DEAF1: variants seen among roughly 807,000 people sequenced by gnomAD.
The protein encoded by DEAF1 is deformed epidermal autoregulatory factor 1 homolog.
DEAF1 carries 53 observed loss-of-function variants against 58.9 expected under a neutral mutation model. The ratio of observed to expected loss-of-function variants is 0.90; its 90% CI spans 0.72 to 1.13. The LOEUF (loss-of-function observed/expected upper bound fraction) is 1.13. DEAF1 is among the 50% of genes most tolerant of loss of function. The probability of loss-of-function intolerance (pLI) is 0.00; values close to 1 mark genes in which losing one functional copy is unlikely to be tolerated. For synonymous variants in DEAF1, 385 were observed against 340.4 expected (o/e 1.13, Z -1.44); for missense variants, 685 against 791.4 (o/e 0.87, Z 1.61).
chr11:679,960 AC>A (rs1860273846), intron 7 of DEAF1, 144 bp from the exon 8 acceptor site: 1 of 1,168,094 alleles, frequency 8.6e-7, no homozygotes. Flanking sequence ...TGTGAAGGAC[AC>A]GGGGGAAATC....
At chr11:692,853 CAAA>C (rs397953739) in intron 1 of DEAF1, among the ~76,000 whole-genome samples, 1 of 140,850 alleles carries the variant, frequency 7.1e-6, no homozygotes, top group Non-Finnish European at 1.5e-5. Flanking sequence ...AACTCCGTCT[CAAA>C]AAAAAAAAAA....
chr11:659,060 CATTATTCTTTCTGCA>C (rs1199012174), intron 10 of DEAF1, among the ~76,000 whole-genome samples: 2 of 152,100 alleles, frequency 1.3e-5, no homozygotes, highest in Non-Finnish European at 2.9e-5. Flanking sequence ...ATAATGTATT[CATTATTCTTTCTGCA>C]AATAAAACTA....
intron 10 of DEAF1, 156 bp downstream of exon 10, chr11:674,380 C>T: frequency 9.4e-7 from 1 of 1,067,692 alleles, no homozygotes; most frequent in Admixed American, 2.1e-5. Context: ...TTAGGAAAAG[C>T]TTCATTTGTA....
intron 1 of DEAF1, chr11:702,926 C>CG: frequency 5.0e-6 from 8 of 1,596,048 alleles, no homozygotes; most frequent in Non-Finnish European, 6.8e-6. Flanking sequence ...CCTTCCCTCC[C>CG]CTTTGCTCTG....
intron 6 of DEAF1, among the ~76,000 whole-genome samples, chr11:683,727 C>T (rs988995429): frequency 6.6e-6 from 1 of 152,206 alleles, no homozygotes; most frequent in Non-Finnish European, 1.5e-5. Flanking sequence ...AAAGTCGCAT[C>T]TTTACTGAGT....
At chr11:669,157 G>C (rs1162190789) in intron 10 of DEAF1, among the ~76,000 whole-genome samples, 1 of 138,110 alleles carries the variant, frequency 7.2e-6, no homozygotes, top group African/African-American at 2.7e-5. Flanking sequence ...TACAGACAGG[G>C]TCTCACAATG....
intron 4 of DEAF1, 26 bp from the exon 5 acceptor site, chr11:687,023 T>C (rs1860623783): frequency 4.3e-6 from 7 of 1,613,358 alleles, no homozygotes; most frequent in Non-Finnish European, 5.9e-6. Flanking sequence ...GCAGTCATGA[T>C]GATGGCAGGT....
intron 4 of DEAF1, among the ~76,000 whole-genome samples, chr11:687,332 G>C (rs552110081): frequency 1.3e-5 from 2 of 152,342 alleles, no homozygotes; most frequent in South Asian, 2.1e-4. Context: ...TCCCAGCCCT[G>C]CCTCCCTCCT....
intron 10 of DEAF1, among the ~76,000 whole-genome samples, chr11:656,282 A>G (rs1859052275): frequency 6.6e-6 from 1 of 151,882 alleles, no homozygotes; most frequent in South Asian, 2.1e-4. Context: ...TAGCCTCTCA[A>G]GTAGCTGGGA....
chr11:648,407 G>T (rs1858601487), intron 11 of DEAF1, among the ~76,000 whole-genome samples: 1 of 152,048 alleles, frequency 6.6e-6, no homozygotes, highest in African/African-American at 2.4e-5. Context: ...ATGTTAGCCA[G>T]GATGGTCTCG....
chr11:650,442 C>T (rs1478728959), intron 11 of DEAF1, among the ~76,000 whole-genome samples: 4 of 145,378 alleles, frequency 2.8e-5, no homozygotes, highest in African/African-American at 1.0e-4. Flanking sequence ...GATCCAACCA[C>T]ATTCTGTCTC....
At chr11:671,175 G>T (rs539290933) in intron 10 of DEAF1, among the ~76,000 whole-genome samples, 2 of 151,140 alleles carry the variant, frequency 1.3e-5, no homozygotes, top group Admixed American at 6.6e-5. Flanking sequence ...TGATCCGCCC[G>T]CCTCGGCCTC....
At chr11:662,162 C>G (rs1247138741) in intron 10 of DEAF1, among the ~76,000 whole-genome samples, 2 of 152,142 alleles carry the variant, frequency 1.3e-5, no homozygotes, top group African/African-American at 4.8e-5. Flanking sequence ...ACCTGTAATC[C>G]CAGCTACTCG....
chr11:687,816 A>C, intron 4 of DEAF1, 95 bp downstream of exon 4: 1 of 1,539,790 alleles, frequency 6.5e-7, no homozygotes, highest in Non-Finnish European at 9.0e-7. Flanking sequence ...AACTAGTTCT[A>C]GGTGCCATGA....
At chr11:661,923 T>C (rs1052831554) in intron 10 of DEAF1, among the ~76,000 whole-genome samples, 1 of 152,220 alleles carries the variant, frequency 6.6e-6, no homozygotes, top group Non-Finnish European at 1.5e-5. Context: ...CAAAGCAAGC[T>C]TGTCCAACCC....
chr11:676,976 C>T (rs1451754052), intron 9 of DEAF1, among the ~76,000 whole-genome samples: 2 of 152,060 alleles, frequency 1.3e-5, no homozygotes, highest in Non-Finnish European at 2.9e-5. Flanking sequence ...CCACCAAGGG[C>T]ACCTGGGGAC....
chr11:705,699 G>A (rs1861682894), intron 1 of DEAF1, among the ~76,000 whole-genome samples: 1 of 152,132 alleles, frequency 6.6e-6, no homozygotes, highest in Non-Finnish European at 1.5e-5. Context: ...GCCCGGTAAG[G>A]GAAGTGACTC....
At chr11:656,212 G>A (rs2133299843) in intron 10 of DEAF1, among the ~76,000 whole-genome samples, 1 of 150,872 alleles carries the variant, frequency 6.6e-6, no homozygotes, top group African/African-American at 2.5e-5. Context: ...CTGGAGTGCA[G>A]TGGCACGATC....
upstream of DEAF1, chr11:699,162 C>A: frequency 2.1e-6 from 1 of 480,286 alleles, no homozygotes; most frequent in Non-Finnish European, 3.7e-6. Context: ...CTGTCTCGGC[C>A]GCTAGTGGCA....
Sources: gnomAD v4.1 joint callset for allele counts (sites outside exome capture counted in the v4.1 genomes callset) on GRCh38, gnomAD v4.1.1 for gene constraint, MANE v1.5 for transcripts, NCBI Gene and HGNC (gene_info 2026-07-23, HGNC 2026-07-21) for gene names.